The following HPSE2 variants were observed in gnomAD, a reference collection of about 807,000 sequenced individuals.
The protein encoded by HPSE2 is inactive heparanase-2.
A neutral mutation model predicts 60.5 loss-of-function variants in HPSE2; 38 were observed. The observed-to-expected ratio is 0.63, with a 90% confidence interval of 0.48 to 0.82. The LOEUF (loss-of-function observed/expected upper bound fraction) is 0.82. Ranked by LOEUF, HPSE2 falls within the 40% of genes least tolerant of loss-of-function variation. The pLI is 0.00. For synonymous variants in HPSE2, 295 were observed against 293.2 expected, an observed-to-expected ratio of 1.01 and a Z score of -0.06; for missense variants, 713 against 740.4, an observed-to-expected ratio of 0.96 and a Z score of 0.43.
At chr10:99,115,222 G>A (rs1002513628) in intron 3 of HPSE2, among the ~76,000 whole-genome samples, 4 of 148,872 alleles carry the variant, frequency 2.7e-5, no homozygotes, top group East Asian at 2.0e-4. Context: ...GCGCCATCTC[G>A]GCTCACTGCA....
At chr10:98,662,835 C>T (rs1410528325) in intron 6 of HPSE2, among the ~76,000 whole-genome samples, 1 of 152,094 alleles carries the variant, frequency 6.6e-6, no homozygotes, top group Non-Finnish European at 1.5e-5. Flanking sequence ...CTAATACATG[C>T]TTGAACAGTA....
chr10:98,757,786 G>A (rs958105642), intron 3 of HPSE2, among the ~76,000 whole-genome samples: 6 of 152,052 alleles, frequency 3.9e-5, no homozygotes, highest in African/African-American at 1.4e-4. Context: ...TACAGATCCA[G>A]TGCTATTCCT....
At chr10:98,693,989 A>G (rs561436650) in intron 5 of HPSE2, 42 bp from the exon 6 acceptor site, 1 of 1,430,014 alleles carries the variant, frequency 7.0e-7, no homozygotes, top group Non-Finnish European at 9.9e-7. Context: ...AACTTAGATT[A>G]AACCACATCC....
chr10:98,893,946 A>T (rs1953410902), intron 3 of HPSE2, among the ~76,000 whole-genome samples: 1 of 152,192 alleles, frequency 6.6e-6, no homozygotes, highest in Non-Finnish European at 1.5e-5. Flanking sequence ...AATTCCATAA[A>T]AAGTGGCAAC....
At chr10:98,586,118 G>GT (rs1470030850) in intron 9 of HPSE2, among the ~76,000 whole-genome samples, 2 of 152,064 alleles carry the variant, frequency 1.3e-5, no homozygotes, top group Non-Finnish European at 2.9e-5. Context: ...ACTATTTAAT[G>GT]TAACTTACAT....
chr10:98,872,955 T>C (rs1017271281), intron 3 of HPSE2, among the ~76,000 whole-genome samples: 1 of 152,144 alleles, frequency 6.6e-6, no homozygotes, highest in Non-Finnish European at 1.5e-5. Flanking sequence ...AGAATGTGGC[T>C]TCCGTTGAAG....
At chr10:98,966,250 G>A (rs1295784658) in intron 3 of HPSE2, among the ~76,000 whole-genome samples, 13 of 152,286 alleles carry the variant, frequency 8.5e-5, no homozygotes, top group South Asian at 8.3e-4. Context: ...AGTAGAAAGT[G>A]GCCAGGCAAA....
intron 9 of HPSE2, among the ~76,000 whole-genome samples, chr10:98,608,959 T>C (rs1045019020): frequency 2.0e-5 from 3 of 152,186 alleles, no homozygotes; most frequent in African/African-American, 7.2e-5. Context: ...GTGTGGCCAC[T>C]GGACAGCAAT....
At chr10:98,596,747 G>A (rs1028985149) in intron 9 of HPSE2, among the ~76,000 whole-genome samples, 3 of 151,964 alleles carry the variant, frequency 2.0e-5, no homozygotes, top group African/African-American at 7.3e-5. Context: ...CCTTATATGC[G>A]ATTTGCTTCT....
intron 3 of HPSE2, among the ~76,000 whole-genome samples, chr10:98,946,154 T>C (rs535707836): frequency 2.0e-4 from 31 of 151,962 alleles, no homozygotes; most frequent in Admixed American, 1.9e-3. Flanking sequence ...AAATCTATTA[T>C]AGAAGGTTAA....
the HPSE2 span, among the ~76,000 whole-genome samples, chr10:99,312,323 CT>C: frequency 1.3e-5 from 2 of 152,164 alleles, no homozygotes; most frequent in Admixed American, 6.5e-5. Context: ...AACACCTGGC[CT>C]TGAAGCTTCA....
chr10:98,657,401 G>A (rs906391473), intron 6 of HPSE2, among the ~76,000 whole-genome samples: 1 of 151,100 alleles, frequency 6.6e-6, no homozygotes, highest in East Asian at 2.0e-4. Context: ...GTGTGATCTC[G>A]GCTCACTGCA....
chr10:98,924,834 A>G (rs1954399255), intron 3 of HPSE2, among the ~76,000 whole-genome samples: 2 of 152,160 alleles, frequency 1.3e-5, no homozygotes, highest in Admixed American at 1.3e-4. Context: ...AAGTTTACCT[A>G]GGACCCCAGA....
intron 3 of HPSE2, among the ~76,000 whole-genome samples, chr10:98,994,426 C>T (rs1190753634): frequency 6.6e-6 from 1 of 152,208 alleles, no homozygotes; most frequent in African/African-American, 2.4e-5. Context: ...CAGCATTAAA[C>T]TCTCAAAATG....
intron 3 of HPSE2, among the ~76,000 whole-genome samples, chr10:98,930,171 T>C (rs968360429): frequency 7.0e-6 from 1 of 143,658 alleles, no homozygotes; most frequent in African/African-American, 2.8e-5. Context: ...GTAAGTGTTG[T>C]TCCCCTCCCT....
At chr10:98,680,189 C>A (rs1947747926) in intron 6 of HPSE2, among the ~76,000 whole-genome samples, 1 of 152,140 alleles carries the variant, frequency 6.6e-6, no homozygotes, top group Admixed American at 6.5e-5. Flanking sequence ...CACTTCCCAA[C>A]AATTCAATAA....
intron 6 of HPSE2, among the ~76,000 whole-genome samples, chr10:98,677,634 A>C (rs559517174): frequency 5.3e-4 from 80 of 152,254 alleles, no homozygotes; most frequent in African/African-American, 1.9e-3. Context: ...TTTTTTTCTC[A>C]AGGCCACAAA....
intron 3 of HPSE2, among the ~76,000 whole-genome samples, chr10:98,885,918 G>A (rs1953150472): frequency 6.6e-6 from 1 of 151,938 alleles, no homozygotes; most frequent in Non-Finnish European, 1.5e-5. Context: ...GTGAAATCTG[G>A]AGACAGTATA....
chr10:99,248,228 A>G, the HPSE2 span, among the ~76,000 whole-genome samples: 2 of 152,210 alleles, frequency 1.3e-5, no homozygotes, highest in South Asian at 4.1e-4. Context: ...GAGCCTTGTT[A>G]AAATGTTGTG....
Sources: allele counts gnomAD v4.1 joint callset (sites outside exome capture counted in the v4.1 genomes callset), GRCh38; gene constraint gnomAD v4.1.1; transcripts MANE v1.5; gene names NCBI Gene and HGNC (gene_info 2026-07-23, HGNC 2026-07-21).